The following NKAIN2 variants were observed in gnomAD, a reference collection of about 807,000 sequenced individuals.
NKAIN2 encodes sodium/potassium transporting ATPase interacting 2.
A neutral mutation model predicts 32.6 loss-of-function variants in NKAIN2; 14 were observed. The observed-to-expected ratio is 0.43, with a 90% CI of 0.28 to 0.67. The LOEUF is 0.67. Among genes scored for constraint, NKAIN2 ranks in the 30% least tolerant of loss-of-function variants. The probability of loss-of-function intolerance (pLI) is 0.17; values close to 1 mark genes in which losing one functional copy is unlikely to be tolerated. For missense variants in NKAIN2, 198 were observed against 258.3 expected (o/e 0.77, Z 1.60); for synonymous variants, 80 against 87.2 (o/e 0.92, Z 0.46).
chr6:124,731,154 C>T (rs9398762), intron 4 of NKAIN2, among the ~76,000 whole-genome samples: 2 of 87,034 alleles, frequency 2.3e-5, no homozygotes, highest in Admixed American at 1.3e-4. Context: ...TCAGTGTGGC[C>T]ATTCCTCAGG....
chr6:124,624,943 T>C (rs902646192), intron 3 of NKAIN2, among the ~76,000 whole-genome samples: 2 of 152,170 alleles, frequency 1.3e-5, no homozygotes, highest in Non-Finnish European at 2.9e-5. Context: ...TCTTGCTAAA[T>C]TTATCCAACT....
intron 1 of NKAIN2, among the ~76,000 whole-genome samples, chr6:123,864,551 G>C (rs1239291745): frequency 6.6e-6 from 1 of 152,114 alleles, no homozygotes; most frequent in Admixed American, 6.5e-5. Context: ...TGTGGATGTG[G>C]GAAGGTACAT....
chr6:124,545,748 G>T (rs907221578), intron 3 of NKAIN2, among the ~76,000 whole-genome samples: 1 of 151,940 alleles, frequency 6.6e-6, no homozygotes, highest in Non-Finnish European at 1.5e-5. Context: ...CACCGATATA[G>T]TTGTTTATGT....
chr6:124,073,555 G>T (rs1369667746), intron 1 of NKAIN2, among the ~76,000 whole-genome samples: 1 of 152,164 alleles, frequency 6.6e-6, no homozygotes, highest in East Asian at 1.9e-4. Flanking sequence ...CCAGCTGAGA[G>T]CCATGATTGA....
At chr6:124,184,653 T>G (rs890618630) in intron 1 of NKAIN2, among the ~76,000 whole-genome samples, 9 of 152,184 alleles carry the variant, frequency 5.9e-5, no homozygotes, top group African/African-American at 1.7e-4. Context: ...CATAATTGAT[T>G]GATTTAATTC....
At position 124,755,627 on chromosome 6, in the gene NKAIN2, G is replaced by A. The variant is rs556015443; in HGVS notation, c.475-35712G>A. On this transcript the variant is annotated intron_variant, in intron 4 of 6. Coordinates refer to ENST00000368417, the MANE Select transcript of NKAIN2 (RefSeq NM_001040214.3). ...ACACAGGAACAGCAAATCAAATACC[G>A]CATTTGCTCACTTATAAGTGGGAAC... is the stretch of plus-strand genomic sequence containing the variant. Among the ~76,000 whole-genome samples, 294 of 152,206 alleles carry A rather than the reference G, an allele frequency of 1.9e-3. 3 individuals carry two copies. The highest frequency in any genetic ancestry group is 6.5e-3 in the African/African-American group (269 of 41,532).
intron 1 of NKAIN2, among the ~76,000 whole-genome samples, chr6:124,160,831 A>G (rs889521461): frequency 1.3e-5 from 2 of 152,170 alleles, no homozygotes; most frequent in South Asian, 2.1e-4. Flanking sequence ...AATTTTAGTT[A>G]TATGTGTGAG....
intron 1 of NKAIN2, among the ~76,000 whole-genome samples, chr6:124,106,276 G>C (rs1216555349): frequency 6.6e-6 from 1 of 152,104 alleles, no homozygotes; most frequent in Non-Finnish European, 1.5e-5. Context: ...GCTTCTATTA[G>C]CAGTAAATTG....
chr6:124,639,824 G>A (rs752874049), intron 3 of NKAIN2, among the ~76,000 whole-genome samples: 1 of 152,062 alleles, frequency 6.6e-6, no homozygotes, highest in Non-Finnish European at 1.5e-5. Flanking sequence ...ATTAGACACT[G>A]AGAAGAGTCG....
chr6:124,696,753 A>G (rs2114555043), intron 4 of NKAIN2, among the ~76,000 whole-genome samples: 1 of 150,860 alleles, frequency 6.6e-6, no homozygotes, highest in African/African-American at 2.5e-5. Context: ...AATTTACAAA[A>G]AAGTAAAAGG....
At chr6:124,736,246 G>C (rs1047946237) in intron 4 of NKAIN2, among the ~76,000 whole-genome samples, 2 of 151,912 alleles carry the variant, frequency 1.3e-5, no homozygotes, top group African/African-American at 4.8e-5. Flanking sequence ...AGAGAGGTGA[G>C]GAAGCTGCAG....
At chr6:124,245,656 T>C (rs1459381969) in intron 1 of NKAIN2, among the ~76,000 whole-genome samples, 2 of 152,080 alleles carry the variant, frequency 1.3e-5, no homozygotes, top group African/African-American at 2.4e-5. Flanking sequence ...TTTACCAAAC[T>C]GGAATATATC....
At chr6:124,571,685 C>T (rs932480029) in intron 3 of NKAIN2, among the ~76,000 whole-genome samples, 6 of 152,150 alleles carry the variant, frequency 3.9e-5, no homozygotes, top group Admixed American at 6.5e-5. Flanking sequence ...ATCAGCAGCA[C>T]GAATACGGAC....
At chr6:124,550,253 A>G (rs1780239885) in intron 3 of NKAIN2, among the ~76,000 whole-genome samples, 1 of 152,122 alleles carries the variant, frequency 6.6e-6, no homozygotes, top group African/African-American at 2.4e-5. Context: ...TTTATAATCC[A>G]ATACTATCTT....
rs1011547144 is a variant in NKAIN2, at chr6:124,823,494, G to C, written c.*265G>C. 2.3e-6 allele frequency: 1 copy of C among 430,998 alleles called. No homozygotes were observed. The allele number at this position is 430,998 out of a possible 1,614,324, so 26.7% of individuals were successfully genotyped here. ...GCCCATCTTGGATTTCCTGAAAGCA[G>C]GCCCCTTTCTCCCAGGCCTTCGGAA... On this transcript the variant is annotated 3_prime_UTR_variant, in exon 7 of 7. Transcript: ENST00000368417.
At position 123,955,742 on chromosome 6, in the gene NKAIN2, C is replaced by A. The variant is rs577970221; in HGVS notation, c.54+151488C>A. Among the ~76,000 whole-genome samples, 33 of 152,054 alleles carry A rather than the reference C, an allele frequency of 2.2e-4. No homozygotes were observed. The South Asian group carries it at 6.2e-3, about 29-fold the overall frequency. Reference sequence around the variant, plus strand: ...CTGGTCTCAAGCCATTCTCACACCTCATTCTCCTGAGTATCTGGGACTGCA... The same window carrying A: ...CTGGTCTCAAGCCATTCTCACACCTAATTCTCCTGAGTATCTGGGACTGCA... On this transcript the variant is annotated intron_variant, in intron 1 of 6. Coordinates refer to ENST00000368417, the MANE Select transcript of NKAIN2 (RefSeq NM_001040214.3).
chr6:123,933,989 A>G (rs886453948), intron 1 of NKAIN2, among the ~76,000 whole-genome samples: 3 of 151,522 alleles, frequency 2.0e-5, no homozygotes, highest in Non-Finnish European at 4.4e-5. Context: ...CTGAATGCCC[A>G]TGAAGCCACT....
At chr6:123,893,136 C>G (rs9490991) in intron 1 of NKAIN2, among the ~76,000 whole-genome samples, 102,057 of 151,840 alleles carry the variant, frequency 0.67, 36,075 homozygotes, top group African/African-American at 0.89. Context: ...GCTCCACGAA[C>G]TTCTTTCAGT....
chr6:124,500,331 A>G (rs1255503873), intron 3 of NKAIN2, among the ~76,000 whole-genome samples: 1 of 152,148 alleles, frequency 6.6e-6, no homozygotes, highest in African/African-American at 2.4e-5. Flanking sequence ...AAATGAGATG[A>G]CAACCCTTTT....
Sources: gnomAD v4.1 joint callset for allele counts (sites outside exome capture counted in the v4.1 genomes callset) on GRCh38, gnomAD v4.1.1 for gene constraint, MANE v1.5 for transcripts, NCBI Gene and HGNC (gene_info 2026-07-23, HGNC 2026-07-21) for gene names.